Variants in CXCL13 observed in about 807,000 individuals in gnomAD.
CXCL13 encodes C-X-C motif chemokine ligand 13.
In CXCL13, 7 loss-of-function variants were observed where a neutral mutation model predicts 12.2. The observed-to-expected ratio is 0.57, with a 90% confidence interval of 0.33 to 1.07. The LOEUF is 1.07. Among genes scored for constraint, CXCL13 ranks in the 50% least tolerant of loss-of-function variants. CXCL13 has a pLI of 0.04. For synonymous variants in CXCL13, 47 were observed against 42.4 expected, an observed-to-expected ratio of 1.11 and a Z score of -0.42; for missense variants, 113 against 127.4, an observed-to-expected ratio of 0.89 and a Z score of 0.55.
intron 2 of CXCL13, among the ~76,000 whole-genome samples, chr4:77,610,169 CT>C (rs1727112196): frequency 6.8e-6 from 1 of 147,308 alleles, no homozygotes; most frequent in East Asian, 1.9e-4. Flanking sequence ...TGAAATTGCA[CT>C]GAATTTTTTT....
intron 1 of CXCL13, among the ~76,000 whole-genome samples, chr4:77,547,451 T>C (rs988947302): frequency 2.0e-5 from 3 of 152,264 alleles, no homozygotes; most frequent in Non-Finnish European, 2.9e-5. Context: ...GATAGTTAGC[T>C]CTTCTTGTTG....
intron 1 of CXCL13, among the ~76,000 whole-genome samples, chr4:77,549,532 C>CT (rs1477922097): frequency 6.6e-6 from 1 of 152,124 alleles, no homozygotes; most frequent in African/African-American, 2.4e-5. Context: ...TGTGGATGTT[C>CT]TTTTGTTGAT....
intron 1 of CXCL13, 80 bp downstream of exon 1, chr4:77,606,009 C>T: frequency 1.0e-6 from 1 of 987,994 alleles, no homozygotes; most frequent in Non-Finnish European, 1.5e-6. Flanking sequence ...CGATTAAAAA[C>T]CGCAGGGAAG....
chr4:77,515,344 A>G (rs1484079092), intron 1 of CXCL13, among the ~76,000 whole-genome samples: 1 of 152,052 alleles, frequency 6.6e-6, no homozygotes, highest in Non-Finnish European at 1.5e-5. Context: ...TTCTGTGAAG[A>G]AAGTCATTGG....
At chr4:77,598,169 G>A (rs907520770) in intron 1 of CXCL13, among the ~76,000 whole-genome samples, 2 of 152,200 alleles carry the variant, frequency 1.3e-5, no homozygotes, top group East Asian at 1.9e-4. Flanking sequence ...TGGAGCAAGG[G>A]GATCCCAGCA....
At chr4:77,576,892 G>C (rs759467278) in intron 1 of CXCL13, among the ~76,000 whole-genome samples, 1 of 152,194 alleles carries the variant, frequency 6.6e-6, no homozygotes, top group Non-Finnish European at 1.5e-5. Context: ...ACTGGAGAGA[G>C]AGAAATTATG....
chr4:77,546,708 G>T (rs879386431), intron 1 of CXCL13, among the ~76,000 whole-genome samples: 1 of 152,020 alleles, frequency 6.6e-6, no homozygotes, highest in Non-Finnish European at 1.5e-5. Context: ...ATTCATTGAT[G>T]TTTTGGAGAG....
intron 1 of CXCL13, among the ~76,000 whole-genome samples, chr4:77,536,499 C>A (rs1041320982): frequency 6.6e-6 from 1 of 152,150 alleles, no homozygotes; most frequent in South Asian, 2.1e-4. Flanking sequence ...ATTTGGGTAG[C>A]TCCCTTATCC....
At chr4:77,531,550 T>G in intron 1 of CXCL13, among the ~76,000 whole-genome samples, 1 of 152,064 alleles carries the variant, frequency 6.6e-6, no homozygotes, top group East Asian at 1.9e-4. Context: ...GTTCTGTAGG[T>G]GTCTATTAGG....
At chr4:77,533,471 C>T (rs1724981922) in intron 1 of CXCL13, among the ~76,000 whole-genome samples, 1 of 152,174 alleles carries the variant, frequency 6.6e-6, no homozygotes. Flanking sequence ...AGTTAGGCTA[C>T]TCAGGGGTCA....
At chr4:77,595,391 C>T (rs1374529896) in intron 1 of CXCL13, among the ~76,000 whole-genome samples, 1 of 152,174 alleles carries the variant, frequency 6.6e-6, no homozygotes, top group East Asian at 1.9e-4. Context: ...TTCGGTACCA[C>T]AGACCACATC....
chr4:77,530,516 G>A (rs1299661645), intron 1 of CXCL13, among the ~76,000 whole-genome samples: 1 of 152,126 alleles, frequency 6.6e-6, no homozygotes, highest in Non-Finnish European at 1.5e-5. Flanking sequence ...GGGTGTATGT[G>A]TTCAGGAATT....
At chr4:77,598,178 C>A (rs1030166222) in intron 1 of CXCL13, among the ~76,000 whole-genome samples, 1 of 152,208 alleles carries the variant, frequency 6.6e-6, no homozygotes, top group Non-Finnish European at 1.5e-5. Context: ...GGGATCCCAG[C>A]AACAAGGGGC....
chr4:77,550,965 T>A (rs182442089), intron 1 of CXCL13, among the ~76,000 whole-genome samples: 37 of 152,342 alleles, frequency 2.4e-4, no homozygotes, highest in Non-Finnish European at 5.0e-4. Flanking sequence ...CCTTTTTTGT[T>A]CTGTTTACAT....
At chr4:77,594,821 G>A (rs1407577062) in intron 1 of CXCL13, among the ~76,000 whole-genome samples, 1 of 152,126 alleles carries the variant, frequency 6.6e-6, no homozygotes, top group Non-Finnish European at 1.5e-5. Flanking sequence ...TAATACCTAG[G>A]TGATGGGTTG....
At chr4:77,564,009 T>G (rs992559446) in intron 1 of CXCL13, among the ~76,000 whole-genome samples, 9 of 152,220 alleles carry the variant, frequency 5.9e-5, no homozygotes, top group Admixed American at 4.6e-4. Flanking sequence ...TGCACTTGGT[T>G]TGATACTCTG....
At chr4:77,577,957 C>T in intron 1 of CXCL13, among the ~76,000 whole-genome samples, 1 of 152,130 alleles carries the variant, frequency 6.6e-6, no homozygotes, top group East Asian at 1.9e-4. Flanking sequence ...GATAGGTAAT[C>T]ATGTCTCCAT....
At chr4:77,579,677 G>A (rs865951998) in intron 1 of CXCL13, among the ~76,000 whole-genome samples, 9 of 151,960 alleles carry the variant, frequency 5.9e-5, no homozygotes, top group Middle Eastern at 3.2e-3. Flanking sequence ...TAATTCTGAT[G>A]AGTGCCAAGC....
At chr4:77,562,403 C>T (rs1725837028) in intron 1 of CXCL13, among the ~76,000 whole-genome samples, 1 of 151,990 alleles carries the variant, frequency 6.6e-6, no homozygotes, top group African/African-American at 2.4e-5. Flanking sequence ...CAGCTGGGCT[C>T]CTGAGTCTAG....
Sources: allele counts gnomAD v4.1 joint callset (sites outside exome capture counted in the v4.1 genomes callset), GRCh38; gene constraint gnomAD v4.1.1; transcripts MANE v1.5; gene names NCBI Gene and HGNC (gene_info 2026-07-23, HGNC 2026-07-21).